DLG2: variants seen among roughly 807,000 people sequenced by gnomAD.
DLG2 encodes the protein discs large MAGUK scaffold protein 2, also known as disks large homolog 2.
In DLG2, 45 loss-of-function variants were observed where a neutral mutation model predicts 132.5. That is an observed-to-expected ratio of 0.34 (90% CI 0.27 to 0.44). DLG2 has a LOEUF of 0.44. DLG2 is among the 20% of genes least tolerant of loss of function. The pLI is 1.00. For synonymous variants in DLG2, 424 were observed against 419.6 expected, an observed-to-expected ratio of 1.01 and a Z score of -0.13; for missense variants, 1,045 against 1,196.9, an observed-to-expected ratio of 0.87 and a Z score of 1.87.
intron 3 of DLG2, among the ~76,000 whole-genome samples, chr11:85,410,976 C>T (rs147245852): frequency 7.2e-4 from 110 of 151,892 alleles, no homozygotes; most frequent in African/African-American, 2.5e-3. Flanking sequence ...CTTCCAGAGG[C>T]AAACTATTCC....
chr11:84,756,551 A>T (rs2066899766), intron 6 of DLG2, among the ~76,000 whole-genome samples: 1 of 152,194 alleles, frequency 6.6e-6, no homozygotes, highest in East Asian at 1.9e-4. Flanking sequence ...ATTTCCAGAA[A>T]AATACAGATA....
In DLG2 at chr11:85,413,056, G is replaced by T. The variant is rs553014131; in HGVS notation, c.41-127691C>A. 2.0e-5 allele frequency among the ~76,000 whole-genome samples: 3 copies of T among 151,720 alleles called. No individual in the cohort carries two copies. In the East Asian group the frequency reaches 5.8e-4, roughly 29 times the overall value. On this transcript the variant is annotated intron_variant, in intron 3 of 27. Coordinates refer to ENST00000376104, the MANE Select transcript of DLG2 (RefSeq NM_001142699.3). ...AGTGTAGAAGTGTTCCCTCTTCACC[G>T]CATCCCTGCCAATATCTACCATTTT... is the stretch of plus-strand genomic sequence containing the variant.
intron 3 of DLG2, among the ~76,000 whole-genome samples, chr11:85,475,385 A>T (rs1251043577): frequency 6.6e-6 from 1 of 152,026 alleles, no homozygotes; most frequent in East Asian, 1.9e-4. Context: ...TCCTAATATA[A>T]CCTTGAAACC....
intron 3 of DLG2, among the ~76,000 whole-genome samples, chr11:85,517,601 A>G (rs886223102): frequency 6.6e-6 from 1 of 151,720 alleles, no homozygotes; most frequent in Non-Finnish European, 1.5e-5. Flanking sequence ...AATCAGTAGC[A>G]TTTCTTTCTT....
At chr11:85,580,596 T>C (rs1156990501) in intron 3 of DLG2, among the ~76,000 whole-genome samples, 3 of 152,254 alleles carry the variant, frequency 2.0e-5, no homozygotes, top group African/African-American at 4.8e-5. Context: ...AGCAATCTTA[T>C]TAGGTGAATA....
At chr11:84,641,987 A>G (rs532367927) in intron 6 of DLG2, among the ~76,000 whole-genome samples, 47 of 147,594 alleles carry the variant, frequency 3.2e-4, no homozygotes, top group African/African-American at 1.0e-3. Flanking sequence ...GCATGTGTGT[A>G]TGTGTGTGTG....
chr11:85,008,169 A>G (rs903228250), intron 6 of DLG2, among the ~76,000 whole-genome samples: 1 of 151,932 alleles, frequency 6.6e-6, no homozygotes, highest in Non-Finnish European at 1.5e-5. Context: ...AAGAGTATAT[A>G]AAACTTTTCA....
chr11:84,374,537 C>A (rs1345068625), intron 7 of DLG2, among the ~76,000 whole-genome samples: 1 of 152,044 alleles, frequency 6.6e-6, no homozygotes, highest in East Asian at 1.9e-4. Flanking sequence ...TTATGTGTGG[C>A]CCAAGACAAT....
intron 3 of DLG2, among the ~76,000 whole-genome samples, chr11:85,471,208 A>T (rs1231175073): frequency 6.6e-6 from 1 of 152,230 alleles, no homozygotes; most frequent in African/African-American, 2.4e-5. Context: ...ATTGGGCAAG[A>T]AGAACGAATG....
chr11:84,696,410 G>A (rs1002179288), intron 6 of DLG2, among the ~76,000 whole-genome samples: 2 of 151,436 alleles, frequency 1.3e-5, no homozygotes, highest in African/African-American at 4.8e-5. Context: ...CACCAAGTAA[G>A]GATTTCAATT....
At chr11:85,430,274 G>A (rs2091080718) in intron 3 of DLG2, among the ~76,000 whole-genome samples, 1 of 151,648 alleles carries the variant, frequency 6.6e-6, no homozygotes, top group Admixed American at 6.6e-5. Context: ...GATGGGTGCA[G>A]CACACCAACA....
intron 7 of DLG2, among the ~76,000 whole-genome samples, chr11:84,402,930 A>G (rs1169400540): frequency 1.3e-5 from 2 of 151,124 alleles, no homozygotes; most frequent in African/African-American, 2.5e-5. Context: ...TGTATCTTAC[A>G]TGTTGTATTA....
intron 17 of DLG2, chr11:83,790,524 G>A: frequency 7.9e-7 from 1 of 1,272,624 alleles, no homozygotes; most frequent in South Asian, 1.2e-5. Flanking sequence ...TGCAACACCA[G>A]GAGCAGAGTT....
chr11:84,835,410 C>T (rs1437529128), intron 6 of DLG2, among the ~76,000 whole-genome samples: 1 of 151,524 alleles, frequency 6.6e-6, no homozygotes, highest in Non-Finnish European at 1.5e-5. Flanking sequence ...TTCTTATCTA[C>T]AAAATGGAGT....
rs2090195360 is a variant in DLG2, at chr11:84,896,453, C to T, written c.357+215208G>A. On this transcript the variant is annotated intron_variant, in intron 6 of 27. Coordinates refer to ENST00000376104, the MANE Select transcript of DLG2 (RefSeq NM_001142699.3). ...CAGCAAGAAATCTGGGAAAATCTAA[C>T]ACATCTTTGATAAGAGAAGGTGTAA... 1.3e-5 allele frequency among the ~76,000 whole-genome samples: 2 copies of T among 152,034 alleles called. 1 individual carries two copies. Among genetic ancestry groups the T allele is most frequent in the African/African-American group, 4.8e-5 (2 of 41,414 alleles).
intron 19 of DLG2, among the ~76,000 whole-genome samples, chr11:83,609,308 C>A (rs141803246): frequency 6.6e-6 from 1 of 152,302 alleles, no homozygotes; most frequent in Non-Finnish European, 1.5e-5. Flanking sequence ...CATTTCCAGC[C>A]TTGTAGCCAA....
At chr11:84,939,503 A>C (rs2049134977) in intron 6 of DLG2, among the ~76,000 whole-genome samples, 1 of 152,072 alleles carries the variant, frequency 6.6e-6, no homozygotes, top group Admixed American at 6.6e-5. Flanking sequence ...TATTCATTTT[A>C]TCTAACTATA....
intron 3 of DLG2, among the ~76,000 whole-genome samples, chr11:85,290,277 A>G (rs2078812048): frequency 6.6e-6 from 1 of 152,088 alleles, no homozygotes; most frequent in Admixed American, 6.5e-5. Context: ...TGATGTCACA[A>G]TTTTTAAAGA....
chr11:84,408,351 ATATAT>A (rs937926925), intron 7 of DLG2, among the ~76,000 whole-genome samples: 18 of 151,612 alleles, frequency 1.2e-4, no homozygotes, highest in African/African-American at 3.9e-4. Context: ...ATATATATAT[ATATAT>A]TATTATACTT....
Sources: gnomAD v4.1 joint callset for allele counts (sites outside exome capture counted in the v4.1 genomes callset) on GRCh38, gnomAD v4.1.1 for gene constraint, MANE v1.5 for transcripts, NCBI Gene and HGNC (gene_info 2026-07-23, HGNC 2026-07-21) for gene names.